CHN1: variants seen among roughly 807,000 people sequenced by gnomAD.
CHN1 encodes N-chimaerin.
A neutral mutation model predicts 59.5 loss-of-function variants in CHN1; 37 were observed. That is an observed-to-expected ratio of 0.62 (90% CI 0.48 to 0.82). CHN1 has a LOEUF of 0.82. CHN1 is among the 40% of genes least tolerant of loss of function. CHN1 has a pLI of 0.00. For missense variants in CHN1, 469 were observed against 571.0 expected (o/e 0.82, Z 1.82); for synonymous variants, 206 against 200.4 (o/e 1.03, Z -0.24).
intron 1 of CHN1, among the ~76,000 whole-genome samples, chr2:174,987,465 T>C (rs1450402099): frequency 2.0e-5 from 3 of 151,488 alleles, no homozygotes; most frequent in South Asian, 2.1e-4. Flanking sequence ...TGGAGTACAG[T>C]GGCGCAATCT....
intron 7 of CHN1, among the ~76,000 whole-genome samples, chr2:174,830,495 G>A (rs1170862495): frequency 6.6e-6 from 1 of 152,130 alleles, no homozygotes; most frequent in Non-Finnish European, 1.5e-5. Flanking sequence ...GAGTAATAAT[G>A]TATTAACAAA....
At chr2:174,863,298 C>G (rs2105455558) in intron 6 of CHN1, among the ~76,000 whole-genome samples, 1 of 152,194 alleles carries the variant, frequency 6.6e-6, no homozygotes, top group East Asian at 1.9e-4. Context: ...TTCAGTGTAA[C>G]AGAGTAAAAA....
chr2:174,882,811 G>A (rs1340828795), intron 5 of CHN1, among the ~76,000 whole-genome samples: 1 of 152,070 alleles, frequency 6.6e-6, no homozygotes, highest in Non-Finnish European at 1.5e-5. Context: ...ACTCTTGGAA[G>A]AAAATTTAAA....
chr2:174,830,882 G>A (rs930436273), intron 7 of CHN1, among the ~76,000 whole-genome samples: 1 of 152,098 alleles, frequency 6.6e-6, no homozygotes, highest in Non-Finnish European at 1.5e-5. Context: ...CGGAAGCACC[G>A]CTTCAAAGAG....
intron 12 of CHN1, among the ~76,000 whole-genome samples, chr2:174,800,806 C>T (rs1219370735): frequency 1.3e-5 from 2 of 152,158 alleles, no homozygotes; most frequent in Non-Finnish European, 2.9e-5. Flanking sequence ...CACAGTAACA[C>T]AGAAAATATG....
In CHN1 at chr2:175,004,829, G is replaced by T. The variant is rs1297181441; in HGVS notation, c.19+65C>A. ...CTCCCCGGGCGCCCAGGCCCCCCAG[G>T]CCCCCGCCCCCGAGCCCCGGGACGC... is the stretch of plus-strand genomic sequence containing the variant. On this transcript the variant is annotated intron_variant, in intron 1 of 12. Coordinates refer to ENST00000409900, the MANE Select transcript of CHN1 (RefSeq NM_001822.7). 7 of 1,165,886 alleles carry T rather than the reference G, an allele frequency of 6.0e-6. No individual in the cohort carries two copies. The East Asian group carries it at 1.1e-4, about 19-fold the overall frequency. 72.2% of individuals were successfully genotyped at this position (1,165,886 alleles called of 1,614,324 possible). A position where few individuals can be genotyped will look rare whatever the true frequency, so the allele number is the denominator to read the frequency against.
At chr2:174,924,260 T>C (rs1033489900) in intron 3 of CHN1, among the ~76,000 whole-genome samples, 1 of 152,156 alleles carries the variant, frequency 6.6e-6, no homozygotes, top group Non-Finnish European at 1.5e-5. Flanking sequence ...GCAGAGACAA[T>C]TCTTATCTCC....
At chr2:174,998,302 C>CA (rs34770658) in intron 1 of CHN1, among the ~76,000 whole-genome samples, 16,954 of 48,652 alleles carry the variant, frequency 0.35, 3,702 homozygotes, top group Non-Finnish European at 0.43. Flanking sequence ...GACTCTGTCT[C>CA]AAAAAAAAAA....
At chr2:174,833,351 TAC>T (rs1176488269) in intron 7 of CHN1, among the ~76,000 whole-genome samples, 5 of 152,222 alleles carry the variant, frequency 3.3e-5, no homozygotes, top group African/African-American at 7.2e-5. Flanking sequence ...TTTAAAAAAG[TAC>T]AGTCACTCCA....
intron 5 of CHN1, among the ~76,000 whole-genome samples, chr2:174,910,999 C>A (rs1027611804): frequency 2.6e-5 from 4 of 151,612 alleles, no homozygotes; most frequent in Non-Finnish European, 4.4e-5. Context: ...AGGTTTTTCA[C>A]CTTCTTAAAT....
rs141023955 is a variant in CHN1, at chr2:174,883,965, CT to C, written c.261-5838del. 2.0e-3 allele frequency among the ~76,000 whole-genome samples: 240 copies of C among 121,502 alleles called. 2 individuals carry two copies. Among genetic ancestry groups the C allele is most frequent in the East Asian group, 7.5e-3 (32 of 4,240 alleles). The allele number at this position is 121,502 out of a possible 152,430, so 79.7% of individuals were successfully genotyped here. A position where few individuals can be genotyped will look rare whatever the true frequency, so the allele number is the denominator to read the frequency against. On this transcript the variant is annotated intron_variant, in intron 5 of 12. Transcript: ENST00000409900. ...AGAATCAATCCAGAAAGTCTAACTT[CT>C]TTTTTTTTTTTTTTTTTTTTAGACG...
intron 2 of CHN1, among the ~76,000 whole-genome samples, chr2:174,948,764 C>G (rs1392644645): frequency 6.6e-6 from 1 of 152,154 alleles, no homozygotes; most frequent in African/African-American, 2.4e-5. Flanking sequence ...GAATAGCTTT[C>G]AATGGGTGTG....
intron 6 of CHN1, among the ~76,000 whole-genome samples, chr2:174,849,100 CTAAGT>C (rs995194549): frequency 6.6e-6 from 1 of 152,110 alleles, no homozygotes; most frequent in African/African-American, 2.4e-5. Flanking sequence ...TATCAAGTTA[CTAAGT>C]TAAAACAATC....
intron 3 of CHN1, among the ~76,000 whole-genome samples, chr2:174,929,178 C>T (rs1353034872): frequency 1.3e-5 from 2 of 152,192 alleles, no homozygotes; most frequent in Non-Finnish European, 2.9e-5. Flanking sequence ...AAACCATTAA[C>T]CTTCAGCATG....
intron 5 of CHN1, among the ~76,000 whole-genome samples, chr2:174,911,373 A>C (rs1688696205): frequency 6.6e-6 from 1 of 152,208 alleles, no homozygotes; most frequent in Non-Finnish European, 1.5e-5. Context: ...AAATCCGAGA[A>C]TCACTTTGAA....
intron 5 of CHN1, among the ~76,000 whole-genome samples, chr2:174,907,863 A>G (rs767226567): frequency 4.9e-4 from 75 of 152,112 alleles, no homozygotes; most frequent in Non-Finnish European, 9.3e-4. Context: ...CAGATTGATA[A>G]AAGTTTTATG....
chr2:174,887,864 A>C (rs1687936205), intron 5 of CHN1, among the ~76,000 whole-genome samples: 2 of 152,326 alleles, frequency 1.3e-5, no homozygotes. Flanking sequence ...TTTATTATTC[A>C]ATGCAATTCT....
intron 3 of CHN1, 68 bp from the exon 4 acceptor site, chr2:174,918,633 T>C (rs1302016764): frequency 7.8e-7 from 1 of 1,278,936 alleles, no homozygotes; most frequent in Non-Finnish European, 1.1e-6. Context: ...ACTCAACATT[T>C]TGTGCATGTG....
intron 6 of CHN1, among the ~76,000 whole-genome samples, chr2:174,866,256 G>A (rs1191421647): frequency 6.6e-6 from 1 of 152,122 alleles, no homozygotes; most frequent in African/African-American, 2.4e-5. Context: ...TAGCATATAG[G>A]ACTATAGAAA....
Sources: gnomAD v4.1 joint callset for allele counts (sites outside exome capture counted in the v4.1 genomes callset) on GRCh38, gnomAD v4.1.1 for gene constraint, MANE v1.5 for transcripts, NCBI Gene and HGNC (gene_info 2026-07-23, HGNC 2026-07-21) for gene names.